Variants in TBC1D15 observed in about 807,000 individuals in gnomAD.
TBC1D15 encodes the protein TBC1 domain family member 15.
Under a neutral mutation model 95.4 loss-of-function variants are expected in TBC1D15, and 39 were observed. The observed-to-expected ratio is 0.41, with a 90% CI of 0.32 to 0.53. TBC1D15 has a LOEUF of 0.53. Ranked by LOEUF, TBC1D15 falls within the 20% of genes least tolerant of loss-of-function variation. The pLI, the probability that TBC1D15 is intolerant of heterozygous loss-of-function variation, is 0.29. For missense variants in TBC1D15, 733 were observed against 794.3 expected, an observed-to-expected ratio of 0.92 and a Z score of 0.93; for synonymous variants, 258 against 261.3, an observed-to-expected ratio of 0.99 and a Z score of 0.12.
chr12:71,895,789 A>G (rs1898044305), intron 7 of TBC1D15, among the ~76,000 whole-genome samples, 158 bp from the exon 8 acceptor site: 2 of 152,140 alleles, frequency 1.3e-5, no homozygotes, highest in Non-Finnish European at 2.9e-5. Flanking sequence ...ATGTAATGCT[A>G]ACTATTATAG....
At chr12:71,900,139 G>A (rs1460101727) in intron 10 of TBC1D15, among the ~76,000 whole-genome samples, 4 of 151,892 alleles carry the variant, frequency 2.6e-5, no homozygotes, top group Non-Finnish European at 1.5e-5. Flanking sequence ...TGAGAAATGG[G>A]GTATGGTGAA....
chr12:71,856,446 C>T (rs61924142), intron 1 of TBC1D15, among the ~76,000 whole-genome samples: 3 of 152,050 alleles, frequency 2.0e-5, no homozygotes, highest in Non-Finnish European at 4.4e-5. Context: ...TGGGAGGAGT[C>T]TCCAACATGT....
chr12:71,893,794 G>A (rs1438544678), intron 6 of TBC1D15, among the ~76,000 whole-genome samples: 1 of 151,858 alleles, frequency 6.6e-6, no homozygotes, highest in Non-Finnish European at 1.5e-5. Flanking sequence ...TTAATAATAG[G>A]CAGAAGTAAA....
At chr12:71,840,807 C>T (rs1352487811) in intron 1 of TBC1D15, among the ~76,000 whole-genome samples, 1 of 152,184 alleles carries the variant, frequency 6.6e-6, no homozygotes, top group Non-Finnish European at 1.5e-5. Context: ...GAGTATTAGA[C>T]TAGGCGGCTG....
chr12:71,897,915 G>A lies in TBC1D15; in HGVS notation c.1157G>A (p.Arg386Lys), dbSNP rs1898538784. 6.2e-7 allele frequency: 1 copy of A among 1,612,332 alleles called. No homozygotes were observed. The highest frequency in any genetic ancestry group is 8.5e-7 in the Non-Finnish European group (1 of 1,178,944). Reference protein sequence around the residue: ...ISQEQEKRNSRLRDYRSLIEK... With the variant: ...ISQEQEKRNSKLRDYRSLIEK... The stretch of plus-strand genomic sequence containing the variant: ...CAGGAACAAGAGAAAAGAAATTCGA[G>A]GTTAAGAGATTATAGAAGTCTTATC... The change falls in exon 10 of 17, where the codon AGG becomes AAG. Residue 386 changes from arginine (R) to lysine (K), a missense_variant. Transcript: ENST00000485960.
intron 13 of TBC1D15, 34 bp downstream of exon 13, chr12:71,917,831 A>G (rs745880136): frequency 1.4e-6 from 2 of 1,385,004 alleles, no homozygotes; most frequent in East Asian, 2.3e-5. Flanking sequence ...TACCCAGCAA[A>G]TTGTAGAGTA....
At chr12:71,865,658 C>T (rs1891329480) in intron 1 of TBC1D15, among the ~76,000 whole-genome samples, 1 of 152,086 alleles carries the variant, frequency 6.6e-6, no homozygotes, top group Admixed American at 6.5e-5. Context: ...AGCTTAGACT[C>T]TGGAGTGCTA....
chr12:71,904,641 C>T (rs1052162183), intron 10 of TBC1D15, among the ~76,000 whole-genome samples: 4 of 152,024 alleles, frequency 2.6e-5, no homozygotes, highest in African/African-American at 9.7e-5. Context: ...TGGTCTTTGC[C>T]ACAGAGTTAT....
intron 1 of TBC1D15, among the ~76,000 whole-genome samples, chr12:71,869,213 A>C (rs1461821319): frequency 6.6e-6 from 1 of 152,170 alleles, no homozygotes; most frequent in Non-Finnish European, 1.5e-5. Context: ...CTATATGTGG[A>C]ATATGTATAA....
At chr12:71,866,174 G>A (rs12303743) in intron 1 of TBC1D15, among the ~76,000 whole-genome samples, 2 of 152,112 alleles carry the variant, frequency 1.3e-5, no homozygotes, top group South Asian at 4.2e-4. Context: ...TGGTTCGGTG[G>A]TTGCTTAGTC....
At chr12:71,901,482 A>G (rs909025949) in intron 10 of TBC1D15, among the ~76,000 whole-genome samples, 1 of 152,182 alleles carries the variant, frequency 6.6e-6, no homozygotes, top group Non-Finnish European at 1.5e-5. Context: ...ATGTGGATAT[A>G]TGGGGCTGGA....
chr12:71,859,617 GT>G (rs1565958665), intron 1 of TBC1D15, among the ~76,000 whole-genome samples: 1 of 117,010 alleles, frequency 8.5e-6, no homozygotes, highest in South Asian at 2.4e-4. Flanking sequence ...AATCCTTTTT[GT>G]TTTTTTTGAG....
chr12:71,897,579 A>T (rs535985151), intron 9 of TBC1D15, among the ~76,000 whole-genome samples: 128 of 152,188 alleles, frequency 8.4e-4, no homozygotes, highest in Non-Finnish European at 6.2e-4. Flanking sequence ...TAAGGATGAG[A>T]TAAATGTTTT....
Position 71,896,710 on chromosome 12 carries a change from A to C in TBC1D15, c.1018A>C (p.Lys340Gln), listed in dbSNP as rs1253577025. ...LSHALRKQAW[K>Q]FLLGYFPWDS... is the part of the protein sequence containing the mutation. Reference sequence around the variant, plus strand: ...TCATGCATTGAGAAAGCAAGCATGGAAATTTCTTCTGGGTTATTTTCCCTG... The same window carrying C: ...TCATGCATTGAGAAAGCAAGCATGGCAATTTCTTCTGGGTTATTTTCCCTG... The change falls in exon 9 of 17, where the codon AAA (lysine) becomes CAA (glutamine). Residue 340 changes from lysine to glutamine, a missense_variant. Coordinates refer to ENST00000485960, the MANE Select transcript of TBC1D15 (RefSeq NM_001146213.3). The C allele has an allele frequency of 3.7e-6, 6 of 1,613,038 alleles. No individual in the cohort carries two copies. Among genetic ancestry groups the C allele is most frequent in the Non-Finnish European group, 5.1e-6 (6 of 1,179,374 alleles).
chr12:71,911,004 C>T (rs1170283609), intron 11 of TBC1D15, among the ~76,000 whole-genome samples: 1 of 151,944 alleles, frequency 6.6e-6, no homozygotes, highest in Non-Finnish European at 1.5e-5. Flanking sequence ...TTTATGCAGC[C>T]AAAAAACACA....
At position 71,864,631 on chromosome 12, in the gene TBC1D15, C is replaced by A. The variant is rs572447596; in HGVS notation, c.31-7439C>A. On this transcript the variant is annotated intron_variant, in intron 1 of 16. Transcript: ENST00000485960. Reference sequence around the variant, plus strand: ...CAAGCAGTTCTCTGCCTCAGCCTCCCGGGTAGCTGGGATTACAGGCGCCTG... The same window carrying A: ...CAAGCAGTTCTCTGCCTCAGCCTCCAGGGTAGCTGGGATTACAGGCGCCTG... 2.1e-3 allele frequency among the ~76,000 whole-genome samples: 316 copies of A among 151,816 alleles called. 1 individual carries two copies. Among genetic ancestry groups the A allele is most frequent in the Admixed American group, 5.2e-3 (80 of 15,250 alleles).
intron 1 of TBC1D15, among the ~76,000 whole-genome samples, chr12:71,857,478 ACTC>A (rs1393949425): frequency 2.0e-5 from 3 of 152,208 alleles, no homozygotes; most frequent in Non-Finnish European, 2.9e-5. Flanking sequence ...GGATGATACT[ACTC>A]AGGAATCAAT....
At chr12:71,852,922 CTCTG>C (rs903115654) in intron 1 of TBC1D15, among the ~76,000 whole-genome samples, 2 of 152,180 alleles carry the variant, frequency 1.3e-5, no homozygotes, top group African/African-American at 4.8e-5. Flanking sequence ...CTCTTCTGAC[CTCTG>C]TCTGTTACCC....
At chr12:71,914,367 A>T (rs1214975496) in intron 12 of TBC1D15, among the ~76,000 whole-genome samples, 1 of 151,970 alleles carries the variant, frequency 6.6e-6, no homozygotes, top group Non-Finnish European at 1.5e-5. Flanking sequence ...ATGTGTTTGA[A>T]CTATTTGTAA....
Sources: allele counts gnomAD v4.1 joint callset (sites outside exome capture counted in the v4.1 genomes callset), GRCh38; gene constraint gnomAD v4.1.1; transcripts MANE v1.5; gene names NCBI Gene and HGNC (gene_info 2026-07-23, HGNC 2026-07-21).